CYP4A22: variants seen among roughly 807,000 people sequenced by gnomAD.
CYP4A22 encodes cytochrome P450 4A22.
In CYP4A22, 46 loss-of-function variants were observed where a neutral mutation model predicts 56.2. The observed-to-expected ratio is 0.82, with a 90% CI of 0.65 to 1.05. The LOEUF is 1.05. Among genes scored for constraint, CYP4A22 ranks in the 50% least tolerant of loss-of-function variants. The pLI, the probability that CYP4A22 is intolerant of heterozygous loss-of-function variation, is 0.00. For synonymous variants in CYP4A22, 193 were observed against 251.1 expected (o/e 0.77, Z 2.19); for missense variants, 541 against 645.9 (o/e 0.84, Z 1.76).
intron 9 of CYP4A22, among the ~76,000 whole-genome samples, 190 bp from the exon 10 acceptor site, chr1:47,145,676 T>C (rs944069509): frequency 1.3e-5 from 2 of 152,192 alleles, no homozygotes; most frequent in Admixed American, 6.5e-5. Context: ...TAAATGGTTG[T>C]CTATTCATCA....
At chr1:47,146,792 T>G in intron 11 of CYP4A22, 1 of 986,656 alleles carries the variant, frequency 1.0e-6, no homozygotes, top group Non-Finnish European at 1.2e-6. Context: ...GTTCACATAT[T>G]TACATCTATT....
At chr1:47,139,479 C>T in intron 1 of CYP4A22, among the ~76,000 whole-genome samples, 1 of 152,170 alleles carries the variant, frequency 6.6e-6, no homozygotes, top group Non-Finnish European at 1.5e-5. Context: ...AGATGCTTGT[C>T]CTTCATTCCA....
rs767498373 is a variant in CYP4A22, at chr1:47,146,105, G to T, written c.1316G>T (p.Gly439Val). The stretch of plus-strand genomic sequence containing the variant: ...TTTGACCCTTCCCGTTTTGCACCGG[G>T]TTCTGCTCAACACAGCCACGCTTTC... ...EVFDPSRFAPGSAQHSHAFLP... is the reference protein window; with the variant it reads ...EVFDPSRFAPVSAQHSHAFLP... Residue 439 changes from glycine (G) to valine (V), a missense_variant, in exon 11 of 12, where the codon GGT (glycine) becomes GTT (valine). This residue lies in a region of CYP4A22 where 204 missense variants were observed against 258.9 expected (regional missense o/e 0.79). Transcript: ENST00000371891. 6.2e-7 allele frequency: 1 copy of T among 1,614,060 alleles called. No homozygotes were observed. The highest frequency in any genetic ancestry group is 2.2e-5 in the East Asian group (1 of 44,898).
At chr1:47,143,216 T>C in intron 4 of CYP4A22, 53 bp from the exon 5 acceptor site, 1 of 1,563,082 alleles carries the variant, frequency 6.4e-7, no homozygotes, top group Middle Eastern at 1.7e-4. Context: ...CCAGGCCTTA[T>C]TAGCAAAGCA....
intron 1 of CYP4A22, among the ~76,000 whole-genome samples, chr1:47,138,770 A>G (rs1490935800): frequency 2.0e-5 from 3 of 152,232 alleles, no homozygotes; most frequent in African/African-American, 4.8e-5. Flanking sequence ...AAGAAGAGAA[A>G]GGAGCAGCAA....
Position 47,148,799 on chromosome 1 carries a change from G to A in CYP4A22, c.*2G>A, listed in dbSNP as rs1383486681. 6.3e-7 allele frequency: 1 copy of A among 1,595,638 alleles called. No individual in the cohort carries two copies. Among genetic ancestry groups the A allele is most frequent in the African/African-American group, 1.3e-5 (1 of 74,470 alleles). Reference sequence around the variant, plus strand: ...TGTGAAGACAAGGACCAGCTTTGAGGGCCTCCACCTGCCATCCTGTCTTCC... The same window carrying A: ...TGTGAAGACAAGGACCAGCTTTGAGAGCCTCCACCTGCCATCCTGTCTTCC... On this transcript the variant is annotated 3_prime_UTR_variant, in exon 12 of 12. Transcript: ENST00000371891.
At position 47,148,981 on chromosome 1, in the gene CYP4A22, C is replaced by T. The variant is rs1645104043; in HGVS notation, c.*184C>T. ...TACCTGCTTGTCTACCTGTCTCCTA[C>T]CCACCTGTATATCTTGTTGGGAGAA... On this transcript the variant is annotated 3_prime_UTR_variant, in exon 12 of 12. Transcript: ENST00000371891. 1.6e-6 allele frequency: 1 copy of T among 631,272 alleles called. No homozygotes were observed. Among genetic ancestry groups the T allele is most frequent in the South Asian group, 3.0e-5 (1 of 33,398 alleles). The allele number at this position is 631,272 out of a possible 1,614,324, so 39.1% of individuals were successfully genotyped here. A position where few individuals can be genotyped will look rare whatever the true frequency, so the allele number is the denominator to read the frequency against.
intron 11 of CYP4A22, 38 bp downstream of exon 11, chr1:47,146,191 A>G: frequency 6.2e-7 from 1 of 1,614,078 alleles, no homozygotes; most frequent in Non-Finnish European, 8.5e-7. Context: ...TAGAGAAATG[A>G]GGGAAGTCTC....
chr1:47,148,720 G>C lies in CYP4A22; in HGVS notation c.1483G>C (p.Val495Leu), dbSNP rs773718162. Reference protein sequence around the residue: ...TRIPIPMARLVLKSKNGIHLR... With the variant: ...TRIPIPMARLLLKSKNGIHLR... Reference sequence around the variant, plus strand: ...GATCCCCATCCCCATGGCACGACTTGTGTTGAAATCCAAAAATGGAATCCA... The same window carrying C: ...GATCCCCATCCCCATGGCACGACTTCTGTTGAAATCCAAAAATGGAATCCA... The change falls in exon 12 of 12, where the codon GTG (valine) becomes CTG (leucine). Residue 495 changes from valine to leucine, a missense_variant. Transcript: ENST00000371891. 140 of 1,613,948 alleles carry C rather than the reference G, an allele frequency of 8.7e-5. No homozygotes were observed. The highest frequency in any genetic ancestry group is 1.2e-4 in the Non-Finnish European group (137 of 1,179,972).
At position 47,143,484 on chromosome 1, in the gene CYP4A22, C is replaced by T. The variant is rs923886561; in HGVS notation, c.635+91C>T. On this transcript the variant is annotated intron_variant, in intron 5 of 11. Coordinates refer to ENST00000371891, the MANE Select transcript of CYP4A22 (RefSeq NM_001010969.4). ...GCAGGTGGGGCAGCGTGAAGGCTCA[C>T]CGCCACACAAAGGAAGAGTCAGTCC... The T allele has an allele frequency of 4.0e-6, 6 of 1,504,924 alleles. No homozygotes were observed. In the African/African-American group the frequency reaches 7.0e-5, roughly 18 times the overall value. The allele number at this position is 1,504,924 out of a possible 1,614,324, so 93.2% of individuals were successfully genotyped here.
In CYP4A22 at chr1:47,148,856, C is replaced by T. The variant is rs550586068; in HGVS notation, c.*59C>T. ...CCACTCCTATCTCCTGCCTGTCTGCCTCTGTCCTGCTTTCTGTCTGCCCAC... is the reference window on the plus strand; with the variant it reads ...CCACTCCTATCTCCTGCCTGTCTGCTTCTGTCCTGCTTTCTGTCTGCCCAC... On this transcript the variant is annotated 3_prime_UTR_variant, in exon 12 of 12. Coordinates refer to ENST00000371891, the MANE Select transcript of CYP4A22 (RefSeq NM_001010969.4). The T allele has an allele frequency of 2.6e-6, 4 of 1,534,056 alleles. No homozygotes were observed.
At chr1:47,147,347 C>A (rs1645087598) in intron 11 of CYP4A22, 6 of 984,884 alleles carry the variant, frequency 6.1e-6, no homozygotes, top group African/African-American at 1.7e-5. Flanking sequence ...GTATTTCATT[C>A]TATTTTATTC....
chr1:47,137,760 A>G, intron 1 of CYP4A22, 80 bp downstream of exon 1: 2 of 1,512,808 alleles, frequency 1.3e-6, no homozygotes, highest in East Asian at 4.6e-5. Flanking sequence ...TCCATAGAGC[A>G]AAGCCTTGTT....
chr1:47,147,765 G>T (rs1645091591), intron 11 of CYP4A22, among the ~76,000 whole-genome samples: 1 of 152,196 alleles, frequency 6.6e-6, no homozygotes, highest in South Asian at 2.1e-4. Flanking sequence ...GCTAGGATGT[G>T]GGCTGGACAG....
At chr1:47,137,713 C>G (rs1264233516) in intron 1 of CYP4A22, 33 bp downstream of exon 1, 2 of 1,580,102 alleles carry the variant, frequency 1.3e-6, no homozygotes, top group African/African-American at 2.7e-5. Context: ...AGTGGGAGGG[C>G]AAGGAGGGAT....
rs1206441738 is a variant in CYP4A22 at position 47,143,792 on chromosome 1, T to C, written c.666T>C (p.Ser222=). 6.2e-7 allele frequency: 1 copy of C among 1,613,728 alleles called. No individual in the cohort carries two copies. The highest frequency in any genetic ancestry group is 1.1e-5 in the South Asian group (1 of 91,014). The change falls in exon 6 of 12, where the codon AGT becomes AGC. Residue 222 remains serine, a synonymous_variant. Coordinates refer to ENST00000371891, the MANE Select transcript of CYP4A22 (RefSeq NM_001010969.4). ...CTCAGTCCTACATCCAGGCCATTAG[T>C]GACCTGAACAGCCTGGTTTTTTGCT... ...RNSQSYIQAI[S]DLNSLVFCCM...
chr1:47,138,885 C>T (rs1483646894), intron 1 of CYP4A22, among the ~76,000 whole-genome samples: 1 of 152,178 alleles, frequency 6.6e-6, no homozygotes, highest in South Asian at 2.1e-4. Flanking sequence ...TGGAGAGGGA[C>T]TCACCAAGGT....
In CYP4A22 at chr1:47,142,241, T is replaced by C; in HGVS notation, c.510+6T>C. The C allele has an allele frequency of 6.3e-7, 1 of 1,593,936 alleles. No individual in the cohort carries two copies. Among genetic ancestry groups the C allele is most frequent in the African/African-American group, 1.3e-5 (1 of 74,638 alleles). On this transcript the variant is annotated splice_donor_region_variant and intron_variant, in intron 4 of 11. Transcript: ENST00000371891. ...ACTCTGTACGAGTGATGCTGGTGAG[T>C]CCATGTCTCTCTCCTCTCCCCACAC...
intron 11 of CYP4A22, among the ~76,000 whole-genome samples, 174 bp from the exon 12 acceptor site, chr1:47,148,428 A>G (rs1181362831): frequency 1.3e-5 from 2 of 152,130 alleles, no homozygotes. Flanking sequence ...GGTTTGGGAC[A>G]GTGTGAAGCC....
Sources: allele counts gnomAD v4.1 joint callset (sites outside exome capture counted in the v4.1 genomes callset), GRCh38; gene constraint gnomAD v4.1.1; regional missense constraint gnomAD v4.1.1; transcripts MANE v1.5; gene names NCBI Gene and HGNC (gene_info 2026-07-23, HGNC 2026-07-21).